CPS1: variants seen among roughly 807,000 people sequenced by gnomAD.
CPS1 encodes carbamoyl-phosphate synthase 1.
Under a neutral mutation model 174.6 loss-of-function variants are expected in CPS1, and 109 were observed. That is an observed-to-expected ratio of 0.62 (90% CI 0.53 to 0.73). CPS1 has a LOEUF of 0.73. Ranked by LOEUF, CPS1 falls within the 30% of genes least tolerant of loss-of-function variation. The pLI, the probability that CPS1 is intolerant of heterozygous loss-of-function variation, is 0.00. For missense variants in CPS1, 1,689 were observed against 1,821.9 expected (o/e 0.93, Z 1.33); for synonymous variants, 637 against 632.0 (o/e 1.01, Z -0.12).
chr2:210,594,736 T>C lies in CPS1; in HGVS notation c.1263+130T>C, dbSNP rs1470757807. On this transcript the variant is annotated intron_variant, in intron 12 of 37. Coordinates refer to ENST00000233072, the MANE Select transcript of CPS1 (RefSeq NM_001875.5). ...GATGACTGGTAATATTGTAATAGAC[T>C]GTCATTTTGTAACTAATTATTTGGT... 4.3e-6 allele frequency: 3 copies of C among 695,372 alleles called. No homozygotes were observed. The African/African-American group carries it at 5.4e-5, about 12-fold the overall frequency. The allele number at this position is 695,372 out of a possible 1,614,324, so 43.1% of individuals were successfully genotyped here.
intron 1 of CPS1, among the ~76,000 whole-genome samples, chr2:210,491,408 G>A (rs1187669261): frequency 1.6e-5 from 2 of 127,596 alleles, no homozygotes; most frequent in East Asian, 2.6e-4. Flanking sequence ...TCCACCTCCC[G>A]GTTCAAGTGA....
At chr2:210,652,853 AGAAGAAAAG>A (rs1238961118) in intron 28 of CPS1, among the ~76,000 whole-genome samples, 3 of 152,206 alleles carry the variant, frequency 2.0e-5, no homozygotes, top group Admixed American at 2.0e-4. Flanking sequence ...GAGAGAGTAT[AGAAGAAAAG>A]GAACAGCTAA....
At chr2:210,657,122 G>A (rs1024490165) in intron 30 of CPS1, among the ~76,000 whole-genome samples, 1 of 152,026 alleles carries the variant, frequency 6.6e-6, no homozygotes, top group African/African-American at 2.4e-5. Context: ...AAACAGGTGT[G>A]GACCAGTCAC....
upstream of CPS1, among the ~76,000 whole-genome samples, chr2:210,553,746 T>C (rs1329230111): frequency 1.3e-5 from 2 of 152,176 alleles, no homozygotes; most frequent in East Asian, 3.9e-4. Flanking sequence ...ACATTTCCAC[T>C]AAATTTTTTC....
chr2:210,643,900 C>T (rs1420635752), intron 25 of CPS1, among the ~76,000 whole-genome samples: 1 of 152,014 alleles, frequency 6.6e-6, no homozygotes, highest in East Asian at 1.9e-4. Context: ...TTCTCGAACA[C>T]CTTGTAAATC....
intron 21 of CPS1, among the ~76,000 whole-genome samples, chr2:210,624,419 A>C (rs1367294155): frequency 6.6e-6 from 1 of 152,126 alleles, no homozygotes; most frequent in Non-Finnish European, 1.5e-5. Flanking sequence ...CAAGCCATTT[A>C]TATAATGAAC....
rs143276435 is a variant in CPS1, at chr2:210,517,103, G to A, written c.3+39337G>A. ...ATTTTCCATATGATGTTTTATAAAC[G>A]AGGAAATATTTCATAAAGGACCTTA... On this transcript the variant is annotated intron_variant, in intron 1 of 38. Coordinates refer to the CPS1 transcript ENST00000430249. 7.0e-4 allele frequency among the ~76,000 whole-genome samples: 106 copies of A among 151,620 alleles called. 1 individual carries two copies. The East Asian group carries it at 9.1e-3, about 13-fold the overall frequency.
intron 33 of CPS1, among the ~76,000 whole-genome samples, chr2:210,663,743 G>A (rs909388394): frequency 1.3e-5 from 2 of 152,132 alleles, no homozygotes; most frequent in Non-Finnish European, 2.9e-5. Flanking sequence ...TTGGGGCTGT[G>A]TCAGCTGAAG....
At chr2:210,669,933 C>A (rs188983080) in intron 34 of CPS1, among the ~76,000 whole-genome samples, 6 of 152,026 alleles carry the variant, frequency 3.9e-5, no homozygotes, top group Non-Finnish European at 5.9e-5. Flanking sequence ...TAAAATTGTG[C>A]CTTGTTTGGT....
intron 21 of CPS1, among the ~76,000 whole-genome samples, chr2:210,633,825 T>G (rs1296042294): frequency 6.6e-6 from 1 of 152,204 alleles, no homozygotes; most frequent in African/African-American, 2.4e-5. Flanking sequence ...CTTCTGCTTA[T>G]CTTAGCATTT....
At chr2:210,644,807 C>G (rs375165754) in intron 25 of CPS1, among the ~76,000 whole-genome samples, 1,628 of 152,104 alleles carry the variant, frequency 0.011, 23 homozygotes, top group African/African-American at 0.037. Flanking sequence ...CAGAAATATT[C>G]TTGTGCTATG....
intron 35 of CPS1, 101 bp from the exon 36 acceptor site, chr2:210,675,627 C>T: frequency 2.7e-6 from 2 of 733,510 alleles, no homozygotes; most frequent in South Asian, 1.5e-5. Context: ...TACTACTTCT[C>T]ATGTTCAGCA....
At chr2:210,616,401 G>T in intron 20 of CPS1, 22 bp from the exon 21 acceptor site, 1 of 1,505,904 alleles carries the variant, frequency 6.6e-7, no homozygotes. Context: ...GCCAAAGAAA[G>T]TATCTCTTCT....
Position 210,639,855 on chromosome 2 carries a change from T to C in CPS1, c.2896-141T>C, listed in dbSNP as rs1216824149. On this transcript the variant is annotated intron_variant, in intron 23 of 37. Coordinates refer to ENST00000233072, the MANE Select transcript of CPS1 (RefSeq NM_001875.5). ...GGGCTTGTATAACACTTTATACTTA[T>C]GGGTTTCCAGAGACTAATAGAGAAT... is the stretch of plus-strand genomic sequence containing the variant. The C allele has an allele frequency of 1.5e-5, 10 of 668,258 alleles. No individual in the cohort carries two copies. The East Asian group carries it at 1.6e-4, about 11-fold the overall frequency. The allele number at this position is 668,258 out of a possible 1,614,324, so 41.4% of individuals were successfully genotyped here.
chr2:210,553,035 T>G (rs555272419), upstream of CPS1, among the ~76,000 whole-genome samples: 1 of 152,036 alleles, frequency 6.6e-6, no homozygotes, highest in African/African-American at 2.4e-5. Context: ...TGGAGAGAAA[T>G]TTGTAAATAG....
chr2:210,645,730 C>T (rs1700358750), intron 25 of CPS1, among the ~76,000 whole-genome samples: 1 of 152,168 alleles, frequency 6.6e-6, no homozygotes, highest in Non-Finnish European at 1.5e-5. Flanking sequence ...TTGCAGTGAG[C>T]TGAGATCATG....
intron 18 of CPS1, 22 bp from the exon 19 acceptor site, chr2:210,608,338 AT>A (rs768439985): frequency 1.2e-6 from 2 of 1,609,008 alleles, no homozygotes; most frequent in South Asian, 2.2e-5. Flanking sequence ...AGAAAAAAAA[AT>A]AAATTTGTCT....
chr2:210,511,003 T>G (rs541905645), intron 1 of CPS1, among the ~76,000 whole-genome samples: 1 of 150,788 alleles, frequency 6.6e-6, no homozygotes, highest in Non-Finnish European at 1.5e-5. Flanking sequence ...ACTAGAAATA[T>G]CGTTTGACCC....
At chr2:210,675,427 T>TTGAGAAATTATTAAATTTA (rs1701493487) in intron 35 of CPS1, among the ~76,000 whole-genome samples, 2 of 152,200 alleles carry the variant, frequency 1.3e-5, no homozygotes, top group African/African-American at 4.8e-5. Flanking sequence ...CCATGAATAA[T>TTGAGAAATTATTAAATTTA]TGAGAAATTA....
Sources: allele counts gnomAD v4.1 joint callset (sites outside exome capture counted in the v4.1 genomes callset), GRCh38; gene constraint gnomAD v4.1.1; transcripts MANE v1.5; gene names NCBI Gene and HGNC (gene_info 2026-07-23, HGNC 2026-07-21).